The following IL17RC variants were observed in gnomAD, a reference collection of about 807,000 sequenced individuals.
IL17RC encodes interleukin-17 receptor C.
In IL17RC, 53 loss-of-function variants were observed where a neutral mutation model predicts 86.7. The observed-to-expected ratio is 0.61, with a 90% CI of 0.49 to 0.77. The LOEUF is 0.77. Among genes scored for constraint, IL17RC ranks in the 30% least tolerant of loss-of-function variants. The pLI, the probability that IL17RC is intolerant of heterozygous loss-of-function variation, is 0.00. For synonymous variants in IL17RC, 439 were observed against 413.1 expected (o/e 1.06, Z -0.76); for missense variants, 957 against 940.0 (o/e 1.02, Z -0.24).
At chr3:9,921,421 C>T (rs1290577938) in intron 7 of IL17RC, among the ~76,000 whole-genome samples, 2 of 151,968 alleles carry the variant, frequency 1.3e-5, no homozygotes, top group East Asian at 3.9e-4. Context: ...CACCATTGCA[C>T]ACCAGCCTGG....
chr3:9,917,606 G>A (rs1430925105), intron 1 of IL17RC, 107 bp from the exon 2 acceptor site: 1 of 1,614,146 alleles, frequency 6.2e-7, no homozygotes, highest in Admixed American at 1.7e-5. Context: ...CTCTGGGAGG[G>A]TCTGGGAATA....
In IL17RC at chr3:9,933,225, G is replaced by A. The variant is rs762405902; in HGVS notation, c.1795G>A (p.Gly599Arg). 2 of 1,606,378 alleles carry A rather than the reference G, an allele frequency of 1.2e-6. No individual in the cohort carries two copies. The highest frequency in any genetic ancestry group is 2.2e-5 in the East Asian group (1 of 44,676). ...CSEWLQDGVS[G>R]PGAHGPHDAF... The stretch of plus-strand genomic sequence containing the variant: ...CGAGTGGCTACAGGATGGGGTGTCC[G>A]GGCCCGGGGCGCACGGCCCGCACGA... Residue 599 changes from glycine to arginine, a missense_variant, in exon 19 of 19, where the codon GGG becomes AGG. By Grantham distance (125) the Gly-to-Arg change is moderately radical. Coordinates refer to ENST00000403601, the MANE Select transcript of IL17RC (RefSeq NM_153460.4).
chr3:9,930,750 G>A lies in IL17RC; in HGVS notation c.1339-145G>A. On this transcript the variant is annotated intron_variant, in intron 15 of 18. Transcript: ENST00000403601. The surrounding 1 kb of genome is among the most constrained non-coding windows in gnomAD (Gnocchi z 5.8). ...AGTCATACCCTAGTCAGTGGGCACA[G>A]CACAAAGGCAGAGCAGCTGCAGGAA... The A allele has an allele frequency of 1.2e-6, 1 of 810,908 alleles. No homozygotes were observed. 50.2% of individuals were successfully genotyped at this position (810,908 alleles called of 1,614,324 possible).
intron 2 of IL17RC, 75 bp downstream of exon 2, chr3:9,917,809 C>G: frequency 6.2e-7 from 1 of 1,607,076 alleles, no homozygotes; most frequent in Middle Eastern, 1.7e-4. Context: ...CCCATGCCCT[C>G]CATGCCCACC....
Position 9,933,333 on chromosome 3 carries a change from G to T in IL17RC, c.1903G>T (p.Asp635Tyr). The T allele has an allele frequency of 6.2e-7, 1 of 1,609,592 alleles. No homozygotes were observed. Among genetic ancestry groups the T allele is most frequent in the Non-Finnish European group, 8.5e-7 (1 of 1,178,254 alleles). ...CGGCAGCTACGTGGGGGCCTGCTTC[G>T]ACAGGCTGCTCCACCCGGACGCCGT... ...APGSYVGACF[D>Y]RLLHPDAVPA... Residue 635 changes from aspartate to tyrosine, a missense_variant, in exon 19 of 19, where the codon GAC (aspartate) becomes TAC (tyrosine). By Grantham distance (160) the Asp-to-Tyr change is radical (BLOSUM62 -3). Transcript: ENST00000403601.
At chr3:9,920,173 G>A (rs1315578137) in intron 5 of IL17RC, among the ~76,000 whole-genome samples, 1 of 152,112 alleles carries the variant, frequency 6.6e-6, no homozygotes, top group African/African-American at 2.4e-5. Context: ...TCTGTGGGGA[G>A]GGGTGTGCCA....
rs1375959200 is a variant in IL17RC at position 9,928,382 on chromosome 3, C to T, written c.955C>T (p.Pro319Ser). 11 of 1,604,748 alleles carry T rather than the reference C, an allele frequency of 6.9e-6. No homozygotes were observed. The highest frequency in any genetic ancestry group is 2.2e-5 in the East Asian group (1 of 44,698). ...LTLQSWLLDA[P>S]CSLPAEAALC... is the part of the protein sequence containing the mutation. Reference sequence around the variant, plus strand: ...CCTGCAGAGCTGGCTGCTGGACGCACCGTGCTCGCTGCCCGCAGAAGCGGC... The same window carrying T: ...CCTGCAGAGCTGGCTGCTGGACGCATCGTGCTCGCTGCCCGCAGAAGCGGC... Residue 319 changes from proline to serine, a missense_variant, in exon 11 of 19, where the codon CCG becomes TCG. By Grantham distance (74) the Pro-to-Ser change is moderately conservative (BLOSUM62 -1). Coordinates refer to ENST00000403601, the MANE Select transcript of IL17RC (RefSeq NM_153460.4).
chr3:9,918,301 C>A, intron 3 of IL17RC, 34 bp from the exon 4 acceptor site: 1 of 1,534,892 alleles, frequency 6.5e-7, no homozygotes, highest in Non-Finnish European at 8.8e-7. Context: ...GAGCAGGGGG[C>A]CTCACCCAGG....
rs115505677 is a variant in IL17RC, at chr3:9,924,243, G to C, written c.774G>C (p.Gln258His). The C allele has an allele frequency of 7.1e-4, 1,150 of 1,614,060 alleles. 6 individuals are homozygous for C. In the African/African-American group the frequency reaches 0.011, roughly 16 times the overall value. The change falls in exon 9 of 19, where the codon CAG becomes CAC. Residue 258 changes from glutamine to histidine, a missense_variant. Physicochemically the swap from Gln to His is conservative, Grantham distance 24 (BLOSUM62 0). Coordinates refer to ENST00000403601, the MANE Select transcript of IL17RC (RefSeq NM_153460.4). ...TATTTGTTCCACAGACTGGACCGCA[G>C]ATCATTACCTTGAACCACACAGACC... is the stretch of plus-strand genomic sequence containing the variant. The part of the protein sequence containing the change: ...PRWHKNLTGP[Q>H]IITLNHTDLV...
intron 18 of IL17RC, 30 bp downstream of exon 18, chr3:9,932,888 C>CA: frequency 6.3e-7 from 1 of 1,590,792 alleles, no homozygotes; most frequent in East Asian, 2.2e-5. Flanking sequence ...GGGCGGAGGG[C>CA]CGCCCCCGGG....
rs761428636 is a variant in IL17RC at position 9,933,134 on chromosome 3, C to T, written c.1704C>T (p.Arg568=). The change falls in exon 19 of 19, where the codon CGC becomes CGT. Residue 568 remains arginine (R), a synonymous_variant. Transcript: ENST00000403601. ...TGGCTTGGTTTCACGCGCAGCGGCG[C>T]CAGACCCTGCAGGAGGGCGGCGTGG... is the stretch of plus-strand genomic sequence containing the variant. ...GPVAWFHAQR[R]QTLQEGGVVV... 6.3e-7 allele frequency: 1 copy of T among 1,595,184 alleles called. No individual in the cohort carries two copies. The highest frequency in any genetic ancestry group is 1.1e-5 in the South Asian group (1 of 88,724).
chr3:9,932,339 G>C (rs1348547648), intron 16 of IL17RC, among the ~76,000 whole-genome samples: 1 of 152,130 alleles, frequency 6.6e-6, no homozygotes, highest in African/African-American at 2.4e-5. Context: ...CGATTCTCTT[G>C]CCTCAGCCTC....
At chr3:9,917,855 G>A (rs976293421) in intron 2 of IL17RC, 68 bp from the exon 3 acceptor site, 2 of 1,610,030 alleles carry the variant, frequency 1.2e-6, no homozygotes, top group East Asian at 2.2e-5. Context: ...GGCTCTCTGG[G>A]TATGTCAGGT....
chr3:9,919,579 G>C (rs567536131), intron 5 of IL17RC, among the ~76,000 whole-genome samples: 1 of 152,212 alleles, frequency 6.6e-6, no homozygotes, highest in African/African-American at 2.4e-5. Flanking sequence ...CCGGGAGGTG[G>C]AGCTTGCAGT....
At chr3:9,924,167 T>C in intron 8 of IL17RC, 65 bp from the exon 9 acceptor site, 2 of 1,610,154 alleles carry the variant, frequency 1.2e-6, no homozygotes, top group Non-Finnish European at 1.7e-6. Flanking sequence ...CCTGGTTTCC[T>C]TGACTTTGGC....
At position 9,933,184 on chromosome 3, in the gene IL17RC, C is replaced by T. The variant is rs568127511; in HGVS notation, c.1754C>T (p.Ala585Val). 2 of 1,607,648 alleles carry T rather than the reference C, an allele frequency of 1.2e-6. No individual in the cohort carries two copies. The highest frequency in any genetic ancestry group is 8.5e-7 in the Non-Finnish European group (1 of 1,177,962). The change falls in exon 19 of 19, where the codon GCG (alanine) becomes GTG (valine). Residue 585 changes from alanine (A) to valine (V), a missense_variant. Physicochemically the swap from Ala to Val is moderately conservative, Grantham distance 64. Coordinates refer to ENST00000403601, the MANE Select transcript of IL17RC (RefSeq NM_153460.4). Reference sequence around the variant, plus strand: ...GTGGTCTTGCTCTTCTCTCCCGGTGCGGTGGCGCTGTGCAGCGAGTGGCTA... The same window carrying T: ...GTGGTCTTGCTCTTCTCTCCCGGTGTGGTGGCGCTGTGCAGCGAGTGGCTA... ...GVVVLLFSPGAVALCSEWLQD... is the reference protein window; with the variant it reads ...GVVVLLFSPGVVALCSEWLQD...
At position 9,933,052 on chromosome 3, in the gene IL17RC, C is replaced by T. The variant is rs1382486456; in HGVS notation, c.1622C>T (p.Pro541Leu). 1 of 1,547,266 alleles carries T rather than the reference C, an allele frequency of 6.5e-7. No individual in the cohort carries two copies. Among genetic ancestry groups the T allele is most frequent in the Admixed American group, 2.0e-5 (1 of 49,344 alleles). ...CTGGCGTCGGCCCTGTGCCAGCTGC[C>T]GCTGCGCGTGGCCGTAGACCTGTGG... ...GALASALCQL[P>L]LRVAVDLWSR... The change falls in exon 19 of 19, where the codon CCG becomes CTG. Residue 541 changes from proline to leucine, a missense_variant. Transcript: ENST00000403601.
At position 9,918,041 on chromosome 3, in the gene IL17RC, C is replaced by T. The variant is rs756459567; in HGVS notation, c.246C>T (p.Leu82=). The T allele has an allele frequency of 6.2e-7, 1 of 1,600,508 alleles. No homozygotes were observed. Among genetic ancestry groups the T allele is most frequent in the Non-Finnish European group, 8.5e-7 (1 of 1,173,518 alleles). The stretch of plus-strand genomic sequence containing the variant: ...GCCAGAAGGAGACCGACTGTGACCT[C>T]TGTCTGCGTGTGGCTGTCCACTTGG... ...LRCQKETDCD[L]CLRVAVHLAV... Residue 82 remains leucine (L), a synonymous_variant, in exon 3 of 19, where the codon CTC becomes CTT. Transcript: ENST00000403601.
intron 12 of IL17RC, 96 bp downstream of exon 12, chr3:9,928,726 G>A: frequency 7.6e-7 from 1 of 1,314,026 alleles, no homozygotes; most frequent in Non-Finnish European, 1.1e-6. Flanking sequence ...AAGCATAGTG[G>A]TTGCCAGCTT....
Sources: gnomAD v4.1 joint callset for allele counts (sites outside exome capture counted in the v4.1 genomes callset) on GRCh38, gnomAD v4.1.1 for gene constraint, Gnocchi (gnomAD v3.1) non-coding constraint, MANE v1.5 for transcripts, NCBI Gene and HGNC (gene_info 2026-07-23, HGNC 2026-07-21) for gene names.